Variants in IL17RD observed in about 807,000 individuals in gnomAD.
IL17RD encodes the protein interleukin 17 receptor D.
A neutral mutation model predicts 80.5 loss-of-function variants in IL17RD; 52 were observed. The observed-to-expected ratio is 0.65, with a 90% CI of 0.52 to 0.81. The LOEUF is 0.81. Among genes scored for constraint, IL17RD ranks in the 40% least tolerant of loss-of-function variants. The pLI, the probability that IL17RD is intolerant of heterozygous loss-of-function variation, is 0.00. For synonymous variants in IL17RD, 416 were observed against 391.8 expected, an observed-to-expected ratio of 1.06 and a Z score of -0.73; for missense variants, 1,024 against 955.1, an observed-to-expected ratio of 1.07 and a Z score of -0.95.
At chr3:57,142,056 C>A (rs79614659) in intron 1 of IL17RD, among the ~76,000 whole-genome samples, 2 of 152,144 alleles carry the variant, frequency 1.3e-5, no homozygotes, top group African/African-American at 2.4e-5. Context: ...ACACACGGAG[C>A]CTTCCTAACT....
intron 1 of IL17RD, among the ~76,000 whole-genome samples, chr3:57,141,340 C>T (rs1046534742): frequency 6.6e-6 from 1 of 152,140 alleles, no homozygotes; most frequent in Non-Finnish European, 1.5e-5. Context: ...TACAAGTTCC[C>T]CAAAATAGCA....
intron 1 of IL17RD, among the ~76,000 whole-genome samples, chr3:57,136,162 C>G (rs1356579223): frequency 6.6e-6 from 1 of 152,146 alleles, no homozygotes; most frequent in Admixed American, 6.5e-5. Context: ...ACATTACAGC[C>G]GTGTGGAAAC....
At chr3:57,143,755 G>A (rs565308515) in intron 1 of IL17RD, among the ~76,000 whole-genome samples, 28 of 152,346 alleles carry the variant, frequency 1.8e-4, no homozygotes, top group Middle Eastern at 3.4e-3. Flanking sequence ...AGGAAAATGA[G>A]TGCAATGTGC....
intron 1 of IL17RD, among the ~76,000 whole-genome samples, chr3:57,131,379 G>A (rs887978836): frequency 1.1e-4 from 16 of 152,156 alleles, no homozygotes; most frequent in African/African-American, 3.1e-4. Context: ...CCTTAAGAAG[G>A]GTGAAACAAA....
chr3:57,101,261 C>G lies in IL17RD; in HGVS notation c.1082G>C (p.Cys361Ser), dbSNP rs538488481. 4 of 1,613,686 alleles carry G rather than the reference C, an allele frequency of 2.5e-6. No homozygotes were observed. Among genetic ancestry groups the G allele is most frequent in the Middle Eastern group, 1.7e-4 (1 of 6,060 alleles). ...RLRPRPKVFL[C>S]YSSKDGQNHM... ...ATTCTGGCCATCTTTACTGGAATAG[C>G]AGAGAAAGACCTTCGGCCGCGGCCG... The change falls in exon 11 of 13, where the codon TGC (cysteine) becomes TCC (serine). Residue 361 changes from cysteine (C) to serine (S), a missense_variant. By Grantham distance (112) the Cys-to-Ser change is moderately radical. Transcript: ENST00000296318.
At chr3:57,139,887 T>C (rs7374667) in intron 1 of IL17RD, among the ~76,000 whole-genome samples, 116,672 of 152,074 alleles carry the variant, frequency 0.77, 45,491 homozygotes, top group African/African-American at 0.91. Context: ...ATAGCTCCTC[T>C]ATATTAATTC....
chr3:57,127,319 T>TATA (rs1707501490), intron 1 of IL17RD, among the ~76,000 whole-genome samples: 1 of 83,122 alleles, frequency 1.2e-5, no homozygotes, highest in Admixed American at 1.8e-4. Flanking sequence ...TATATAAAAA[T>TATA]ATATATAAAT....
intron 1 of IL17RD, among the ~76,000 whole-genome samples, chr3:57,137,561 G>T (rs1435593517): frequency 6.6e-6 from 1 of 152,212 alleles, no homozygotes; most frequent in Non-Finnish European, 1.5e-5. Context: ...AGGGCCTGGA[G>T]AGCAGAAGTG....
chr3:57,106,920 T>C (rs139898248), intron 5 of IL17RD, among the ~76,000 whole-genome samples: 2 of 152,170 alleles, frequency 1.3e-5, no homozygotes, highest in Non-Finnish European at 2.9e-5. Flanking sequence ...AAAAGATACA[T>C]TGATTCTATG....
At position 57,148,102 on chromosome 3, in the gene IL17RD, G is replaced by A. The variant is rs866299510; in HGVS notation, c.126+17059C>T. On this transcript the variant is annotated intron_variant, in intron 1 of 12. Transcript: ENST00000296318. ...GAGGCCAAGGTTGGGGGGGGGGGGG[G>A]GGCGATCGCTAGGTCAAGAGTTCAA... Among the ~76,000 whole-genome samples, 299 of 84,008 alleles carry A rather than the reference G, an allele frequency of 3.6e-3. 27 individuals carry two copies. The highest frequency in any genetic ancestry group is 0.012 in the African/African-American group (260 of 22,114). 55.1% of individuals were successfully genotyped at this position (84,008 alleles called of 152,430 possible). A position where few individuals can be genotyped will look rare whatever the true frequency, so the allele number is the denominator to read the frequency against.
In IL17RD at chr3:57,106,881, A is replaced by G. The variant is rs551808538; in HGVS notation, c.551-727T>C. Among the ~76,000 whole-genome samples the G allele has an allele frequency of 1.2e-4, 18 of 152,310 alleles. No individual in the cohort carries two copies. The South Asian group carries it at 3.5e-3, about 30-fold the overall frequency. On this transcript the variant is annotated intron_variant, in intron 5 of 12. Transcript: ENST00000296318. ...GGTTATAAATGTTTGCATTCCAGGA[A>G]CACACCCCCTGCCTCCACCTTACCC...
chr3:57,136,635 C>T lies in IL17RD; in HGVS notation c.127-16322G>A, dbSNP rs550474793. 2.2e-5 allele frequency among the ~76,000 whole-genome samples: 3 copies of T among 138,122 alleles called. No individual in the cohort carries two copies. In the East Asian group the frequency reaches 6.8e-4, roughly 31 times the overall value. 90.6% of individuals were successfully genotyped at this position (138,122 alleles called of 152,430 possible). A position where few individuals can be genotyped will look rare whatever the true frequency, so the allele number is the denominator to read the frequency against. ...GTCTACCCCTCCCCCGCCCCCAACC[C>T]CCACTCAAAAAAAAAAAAAAAAAAA... On this transcript the variant is annotated intron_variant, in intron 1 of 12. Transcript: ENST00000296318.
chr3:57,098,579 G>T, intron 11 of IL17RD, 41 bp from the exon 12 acceptor site: 1 of 1,371,008 alleles, frequency 7.3e-7, no homozygotes, highest in Non-Finnish European at 1.0e-6. Flanking sequence ...CAGAAGGCTC[G>T]GGAAGAGGCT....
upstream of IL17RD, among the ~76,000 whole-genome samples, chr3:57,167,560 T>C (rs2060353684): frequency 6.6e-6 from 1 of 152,160 alleles, no homozygotes; most frequent in Admixed American, 6.5e-5. Context: ...TTAATCTATG[T>C]GACATTCCAG....
chr3:57,102,771 G>T (rs998817160), intron 9 of IL17RD, among the ~76,000 whole-genome samples, 182 bp from the exon 10 acceptor site: 2 of 152,198 alleles, frequency 1.3e-5, no homozygotes, highest in African/African-American at 4.8e-5. Context: ...GAGTTGCAAA[G>T]AACAATTCAA....
At chr3:57,154,277 T>G (rs996418943) in intron 1 of IL17RD, among the ~76,000 whole-genome samples, 1 of 124,530 alleles carries the variant, frequency 8.0e-6, no homozygotes, top group African/African-American at 3.5e-5. Flanking sequence ...TATATATATA[T>G]ATATATACAC....
chr3:57,129,173 G>A lies in IL17RD; in HGVS notation c.127-8860C>T, dbSNP rs114883004. Among the ~76,000 whole-genome samples the A allele has an allele frequency of 4.4e-3, 670 of 152,134 alleles. 3 individuals carry two copies. The highest frequency in any genetic ancestry group is 0.015 in the African/African-American group (614 of 41,494). ...ACAGACTCAGATTAACTGTGTCTGT[G>A]TATGCTTTTTCCATAAATACTGGGT... On this transcript the variant is annotated intron_variant, in intron 1 of 12. Coordinates refer to ENST00000296318, the MANE Select transcript of IL17RD (RefSeq NM_017563.5).
chr3:57,143,881 A>C (rs530355302), intron 1 of IL17RD, among the ~76,000 whole-genome samples: 1 of 152,330 alleles, frequency 6.6e-6, no homozygotes, highest in African/African-American at 2.4e-5. Context: ...ACAGCGTTAC[A>C]ACTCAAGTCA....
At chr3:57,161,180 A>G (rs2060302197) in intron 1 of IL17RD, among the ~76,000 whole-genome samples, 1 of 152,246 alleles carries the variant, frequency 6.6e-6, no homozygotes. Flanking sequence ...ACCAGGACTG[A>G]GTAATTTTTT....
Sources: allele counts gnomAD v4.1 joint callset (sites outside exome capture counted in the v4.1 genomes callset), GRCh38; gene constraint gnomAD v4.1.1; transcripts MANE v1.5; gene names NCBI Gene and HGNC (gene_info 2026-07-23, HGNC 2026-07-21).